The following NAA11 variants were observed in gnomAD, a reference collection of about 807,000 sequenced individuals.
NAA11 encodes N-alpha-acetyltransferase 11, NatA catalytic subunit, also known as N-alpha-acetyltransferase 11.
Under a neutral mutation model 16.1 loss-of-function variants are expected in NAA11, and 15 were observed. That is an observed-to-expected ratio of 0.93 (90% CI 0.62 to 1.44). The LOEUF (loss-of-function observed/expected upper bound fraction) is 1.44, where lower values mean the gene tolerates loss of function less well. NAA11 is among the 40% of genes most tolerant of loss of function. NAA11 has a pLI of 0.00. For missense variants in NAA11, 298 were observed against 291.3 expected, an observed-to-expected ratio of 1.02 and a Z score of -0.17; for synonymous variants, 122 against 112.4, an observed-to-expected ratio of 1.09 and a Z score of -0.54.
At chr4:79,230,779 G>A (rs773378908) in intron 2 of NAA11, among the ~76,000 whole-genome samples, 20 of 151,844 alleles carry the variant, frequency 1.3e-4, no homozygotes, top group Non-Finnish European at 2.5e-4. Context: ...CATGTGAGAC[G>A]ATACTCTTAA....
chr4:79,297,724 G>T (rs1225498773), intron 1 of NAA11, among the ~76,000 whole-genome samples: 1 of 152,214 alleles, frequency 6.6e-6, no homozygotes, highest in Admixed American at 6.5e-5. Flanking sequence ...GAGTTGAAGG[G>T]GGACTGAGGG....
At chr4:79,241,484 T>G (rs149049742) in intron 2 of NAA11, among the ~76,000 whole-genome samples, 1 of 152,242 alleles carries the variant, frequency 6.6e-6, no homozygotes, top group Non-Finnish European at 1.5e-5. Context: ...ACTGTACAAG[T>G]GCAGAAACAA....
At chr4:79,250,183 T>C (rs1264991741) in intron 2 of NAA11, among the ~76,000 whole-genome samples, 1 of 152,104 alleles carries the variant, frequency 6.6e-6, no homozygotes, top group Non-Finnish European at 1.5e-5. Context: ...GCTGTGTAGA[T>C]TCTCAGCGGC....
chr4:79,173,261 C>T, the NAA11 span, among the ~76,000 whole-genome samples: 8 of 152,034 alleles, frequency 5.3e-5, no homozygotes, highest in East Asian at 1.5e-3. Flanking sequence ...TGATCTGTTG[C>T]AGTGCCAGTC....
At chr4:79,246,856 G>A (rs1448222301) in intron 2 of NAA11, among the ~76,000 whole-genome samples, 2 of 152,172 alleles carry the variant, frequency 1.3e-5, no homozygotes, top group East Asian at 1.9e-4. Flanking sequence ...TGATATAAAA[G>A]TTTGGTTTTT....
chr4:79,186,618 G>A, the NAA11 span, among the ~76,000 whole-genome samples: 1 of 152,170 alleles, frequency 6.6e-6, no homozygotes, highest in African/African-American at 2.4e-5. Flanking sequence ...AAATAAAAAA[G>A]CACATTCTCA....
chr4:79,302,318 G>T (rs1444966145), intron 1 of NAA11, among the ~76,000 whole-genome samples: 10 of 152,026 alleles, frequency 6.6e-5, no homozygotes, highest in Admixed American at 5.2e-4. Flanking sequence ...TCTGTGAGAG[G>T]TATTATTAAT....
chr4:79,262,911 T>A (rs540849152), intron 2 of NAA11, among the ~76,000 whole-genome samples: 219 of 152,270 alleles, frequency 1.4e-3, no homozygotes, highest in Non-Finnish European at 2.6e-3. Flanking sequence ...TCTATCATCA[T>A]GCTAGTACTA....
At chr4:79,158,990 GAC>G in the NAA11 span, among the ~76,000 whole-genome samples, 3 of 152,150 alleles carry the variant, frequency 2.0e-5, no homozygotes, top group Non-Finnish European at 4.4e-5. Flanking sequence ...AATTCTAGAA[GAC>G]CACATTGGAA....
the NAA11 span, among the ~76,000 whole-genome samples, chr4:79,159,435 T>C: frequency 6.6e-6 from 1 of 152,128 alleles, no homozygotes; most frequent in Non-Finnish European, 1.5e-5. Context: ...TAAAAAATAA[T>C]AGAGTTGGCT....
intron 2 of NAA11, among the ~76,000 whole-genome samples, chr4:79,270,149 C>G (rs927829730): frequency 6.6e-6 from 1 of 150,656 alleles, no homozygotes; most frequent in Admixed American, 6.6e-5. Context: ...ATGCCTCCAG[C>G]TTTGTTCTTT....
the NAA11 span, among the ~76,000 whole-genome samples, chr4:79,209,514 C>G: frequency 6.6e-6 from 1 of 152,096 alleles, no homozygotes; most frequent in Non-Finnish European, 1.5e-5. Context: ...ACCCAACTCC[C>G]CAGAGGGACC....
chr4:79,180,362 CTATAGTT>C, the NAA11 span, among the ~76,000 whole-genome samples: 4 of 152,114 alleles, frequency 2.6e-5, no homozygotes, highest in Non-Finnish European at 5.9e-5. Context: ...GTTCACAAAT[CTATAGTT>C]TATATAACCA....
chr4:79,176,820 G>T, the NAA11 span, among the ~76,000 whole-genome samples: 1 of 152,138 alleles, frequency 6.6e-6, no homozygotes, highest in South Asian at 2.1e-4. Flanking sequence ...AGCAGGCAAT[G>T]CTTCTATTTT....
downstream of NAA11, among the ~76,000 whole-genome samples, chr4:79,312,783 C>T (rs1723816933): frequency 6.6e-6 from 1 of 152,066 alleles, no homozygotes; most frequent in Admixed American, 6.6e-5. Context: ...AGGCACCACG[C>T]CCAGCCAGTT....
At chr4:79,222,286 C>T (rs2109949295), downstream of NAA11, among the ~76,000 whole-genome samples, 1 of 152,072 alleles carries the variant, frequency 6.6e-6, no homozygotes, top group East Asian at 1.9e-4. Flanking sequence ...ATTAGTCTTG[C>T]TAGCGGTCTA....
chr4:79,314,669 C>T (rs903135239), downstream of NAA11, among the ~76,000 whole-genome samples: 1 of 116,896 alleles, frequency 8.6e-6, no homozygotes. Flanking sequence ...AAAAAAGACT[C>T]AGTAGTCTTT....
At chr4:79,300,626 A>C (rs1723357960) in intron 1 of NAA11, among the ~76,000 whole-genome samples, 1 of 152,248 alleles carries the variant, frequency 6.6e-6, no homozygotes, top group Admixed American at 6.5e-5. Flanking sequence ...AAGTACATAA[A>C]TTAATCTGAT....
At chr4:79,239,777 C>T (rs1372030117) in intron 2 of NAA11, among the ~76,000 whole-genome samples, 3 of 152,022 alleles carry the variant, frequency 2.0e-5, no homozygotes, top group African/African-American at 4.8e-5. Context: ...ATATTAATGC[C>T]CACCAAGGGA....
Sources: gnomAD v4.1 joint callset for allele counts (sites outside exome capture counted in the v4.1 genomes callset) on GRCh38, gnomAD v4.1.1 for gene constraint, MANE v1.5 for transcripts, NCBI Gene and HGNC (gene_info 2026-07-23, HGNC 2026-07-21) for gene names.